AGBL4: variants seen among roughly 807,000 people sequenced by gnomAD.
The protein encoded by AGBL4 is AGBL carboxypeptidase 4.
Under a neutral mutation model 66.4 loss-of-function variants are expected in AGBL4, and 58 were observed. That is an observed-to-expected ratio of 0.87 (90% CI 0.71 to 1.09). The LOEUF is 1.09. Ranked by LOEUF, AGBL4 falls within the 50% of genes least tolerant of loss-of-function variation. The pLI, the probability that AGBL4 is intolerant of heterozygous loss-of-function variation, is 0.00. For synonymous variants in AGBL4, 234 were observed against 222.9 expected (o/e 1.05, Z -0.44); for missense variants, 579 against 631.0 (o/e 0.92, Z 0.88).
chr1:49,020,538 G>A lies in AGBL4; in HGVS notation c.594+25046C>T, dbSNP rs1663168093. ...CAGTATTGAGGGAGATCTCAGAGAT[G>A]GAAACACACCTATCAGTCTTCCTGA... On this transcript the variant is annotated intron_variant, in intron 5 of 13. Coordinates refer to ENST00000371839, the MANE Select transcript of AGBL4 (RefSeq NM_032785.4). Among the ~76,000 whole-genome samples the A allele has an allele frequency of 4.6e-5, 7 of 152,270 alleles. 1 individual carries two copies. In the South Asian group the frequency reaches 1.4e-3, roughly 32 times the overall value.
At chr1:49,936,208 G>A (rs1008942353) in intron 1 of AGBL4, among the ~76,000 whole-genome samples, 20 of 152,284 alleles carry the variant, frequency 1.3e-4, no homozygotes, top group Admixed American at 7.8e-4. Context: ...CTCAGGAGCC[G>A]ATGCGATCAA....
In AGBL4 at chr1:49,658,335, G is replaced by T. The variant is rs371182206; in HGVS notation, c.282+38978C>A. On this transcript the variant is annotated intron_variant, in intron 3 of 13. Transcript: ENST00000371839. ...ATCATCTCACACAAGTTAGAAGGGT[G>T]ATCATTAAAAAGTCAGGAAACAACA... Among the ~76,000 whole-genome samples the T allele has an allele frequency of 3.5e-4, 53 of 152,252 alleles. 1 individual carries two copies. In the South Asian group the frequency reaches 9.5e-3, roughly 27 times the overall value.
rs142898495 is a variant in AGBL4 at position 48,909,476 on chromosome 1, A to T, written c.595-42246T>A. On this transcript the variant is annotated intron_variant, in intron 5 of 13. Coordinates refer to ENST00000371839, the MANE Select transcript of AGBL4 (RefSeq NM_032785.4). ...TCAGAGGGAGAAATGATTTCCACTGATTCATAAGCAATGGCCATTTTGCAG... is the reference window on the plus strand; with the variant it reads ...TCAGAGGGAGAAATGATTTCCACTGTTTCATAAGCAATGGCCATTTTGCAG... Among the ~76,000 whole-genome samples, 70 of 152,302 alleles carry T rather than the reference A, an allele frequency of 4.6e-4. 1 individual carries two copies. The South Asian group carries it at 9.9e-3, about 22-fold the overall frequency.
chr1:49,421,599 A>G (rs532426988), intron 3 of AGBL4, among the ~76,000 whole-genome samples: 5 of 152,310 alleles, frequency 3.3e-5, no homozygotes. Context: ...GCAGTGTCCA[A>G]TGAGTCAAAA....
At chr1:49,720,119 A>T (rs545801176) in intron 2 of AGBL4, among the ~76,000 whole-genome samples, 1 of 152,144 alleles carries the variant, frequency 6.6e-6, no homozygotes, top group Non-Finnish European at 1.5e-5. Flanking sequence ...AACTGATCCC[A>T]GCAATAAGTA....
chr1:48,766,213 AT>A (rs576364791), intron 6 of AGBL4, among the ~76,000 whole-genome samples: 4 of 151,450 alleles, frequency 2.6e-5, no homozygotes, highest in East Asian at 3.9e-4. Context: ...TATAAGCCAC[AT>A]TTTTTTTTCC....
chr1:48,533,183 G>A lies in AGBL4; in HGVS notation c.*990C>T, dbSNP rs1643918623. The A allele has an allele frequency of 1.3e-5, 2 of 152,062 alleles. No homozygotes were observed. The highest frequency in any genetic ancestry group is 4.8e-5 in the African/African-American group (2 of 41,380). The allele number at this position is 152,062 out of a possible 1,614,324, so 9.4% of individuals were successfully genotyped here. A position where few individuals can be genotyped will look rare whatever the true frequency, so the allele number is the denominator to read the frequency against. ...TCATTTTAATTAGCAGGCTGTCATG[G>A]TGACTCAGCCTGCTGTTTCCACAGA... is the stretch of plus-strand genomic sequence containing the variant. On this transcript the variant is annotated 3_prime_UTR_variant, in exon 14 of 14. Coordinates refer to ENST00000371839, the MANE Select transcript of AGBL4 (RefSeq NM_032785.4).
intron 3 of AGBL4, among the ~76,000 whole-genome samples, chr1:49,655,933 G>A (rs1646119502): frequency 6.6e-6 from 1 of 152,186 alleles, no homozygotes; most frequent in South Asian, 2.1e-4. Flanking sequence ...CAGATCATGA[G>A]GTCAGCAGTT....
chr1:48,943,758 T>TTTGTTGTTG (rs61662632), intron 5 of AGBL4, among the ~76,000 whole-genome samples: 8 of 151,082 alleles, frequency 5.3e-5, no homozygotes, highest in South Asian at 2.1e-4. Context: ...TGGGTGGTTG[T>TTTGTTGTTG]TTGTTGTTGT....
chr1:49,303,103 G>T (rs1184814937), intron 3 of AGBL4, among the ~76,000 whole-genome samples: 2 of 152,026 alleles, frequency 1.3e-5, no homozygotes, highest in African/African-American at 4.8e-5. Context: ...TATTGTGAAT[G>T]GTACTGCAAT....
At chr1:49,162,634 C>T (rs1277920346) in intron 4 of AGBL4, among the ~76,000 whole-genome samples, 1 of 152,118 alleles carries the variant, frequency 6.6e-6, no homozygotes, top group Non-Finnish European at 1.5e-5. Context: ...TAAGCTTATC[C>T]TTTCTACTTT....
At chr1:49,452,497 C>G (rs1450258172) in intron 3 of AGBL4, among the ~76,000 whole-genome samples, 1 of 151,914 alleles carries the variant, frequency 6.6e-6, no homozygotes, top group Non-Finnish European at 1.5e-5. Context: ...CTCCCACACC[C>G]ACCTGATGAT....
At chr1:49,287,115 G>A (rs1332833091) in intron 3 of AGBL4, among the ~76,000 whole-genome samples, 1 of 137,190 alleles carries the variant, frequency 7.3e-6, no homozygotes, top group East Asian at 2.1e-4. Context: ...AATGGGGAAA[G>A]GATTCCCTAT....
chr1:49,323,422 C>G (rs2148479412), intron 3 of AGBL4, among the ~76,000 whole-genome samples: 1 of 151,490 alleles, frequency 6.6e-6, no homozygotes, highest in Middle Eastern at 3.4e-3. Context: ...GCTGGGACTA[C>G]AGGCGCACGC....
At chr1:48,651,448 T>C (rs1324721134) in intron 8 of AGBL4, among the ~76,000 whole-genome samples, 5 of 152,304 alleles carry the variant, frequency 3.3e-5, no homozygotes, top group South Asian at 2.1e-4. Flanking sequence ...GAGAGAAGTA[T>C]TGACCTCTCT....
At chr1:49,047,676 T>C (rs1393589942) in intron 4 of AGBL4, among the ~76,000 whole-genome samples, 1 of 152,104 alleles carries the variant, frequency 6.6e-6, no homozygotes, top group South Asian at 2.1e-4. Context: ...GAGAGGGCAA[T>C]TGGGGTAGTA....
chr1:49,753,197 G>A (rs560412770), intron 2 of AGBL4, among the ~76,000 whole-genome samples: 18 of 152,312 alleles, frequency 1.2e-4, no homozygotes, highest in South Asian at 6.2e-4. Context: ...GTTTTGCACT[G>A]GCTGGTACTG....
intron 6 of AGBL4, among the ~76,000 whole-genome samples, chr1:48,814,084 G>C (rs1646120127): frequency 6.6e-6 from 1 of 152,052 alleles, no homozygotes; most frequent in South Asian, 2.1e-4. Context: ...ATCCTGTCAT[G>C]ATGTTATTTC....
At chr1:49,696,226 A>T (rs770280929) in intron 3 of AGBL4, among the ~76,000 whole-genome samples, 2 of 152,170 alleles carry the variant, frequency 1.3e-5, no homozygotes, top group Non-Finnish European at 2.9e-5. Context: ...AGTTGTCTCA[A>T]TATAACGGAA....
Sources: allele counts gnomAD v4.1 joint callset (sites outside exome capture counted in the v4.1 genomes callset), GRCh38; gene constraint gnomAD v4.1.1; transcripts MANE v1.5; gene names NCBI Gene and HGNC (gene_info 2026-07-23, HGNC 2026-07-21).